MAGI2: variants seen among roughly 807,000 people sequenced by gnomAD.
The protein encoded by MAGI2 is membrane associated guanylate kinase, WW and PDZ domain containing 2, also known as membrane-associated guanylate kinase, WW and PDZ domain-containing protein 2.
A neutral mutation model predicts 133.3 loss-of-function variants in MAGI2; 35 were observed. The ratio of observed to expected loss-of-function variants is 0.26; its 90% CI spans 0.20 to 0.35. The LOEUF (loss-of-function observed/expected upper bound fraction) is 0.35, where lower values mean the gene tolerates loss of function less well. MAGI2 is among the 10% of genes least tolerant of loss of function. The pLI is 1.00. For synonymous variants in MAGI2, 729 were observed against 710.6 expected, an observed-to-expected ratio of 1.03 and a Z score of -0.41; for missense variants, 1,636 against 1,863.4, an observed-to-expected ratio of 0.88 and a Z score of 2.25.
intron 20 of MAGI2, among the ~76,000 whole-genome samples, chr7:78,103,809 T>C (rs1409552275): frequency 6.6e-6 from 1 of 152,252 alleles, no homozygotes; most frequent in Non-Finnish European, 1.5e-5. Flanking sequence ...ATTGAAATAT[T>C]TCCCTTTCAT....
chr7:78,712,366 T>A (rs1819280947), intron 2 of MAGI2, among the ~76,000 whole-genome samples: 1 of 152,204 alleles, frequency 6.6e-6, no homozygotes, highest in African/African-American at 2.4e-5. Flanking sequence ...AAATTTAGAC[T>A]TGTCTTATAC....
At chr7:78,078,024 C>T (rs1166663644) in intron 21 of MAGI2, 1 of 151,316 alleles carries the variant, frequency 6.6e-6, no homozygotes, top group African/African-American at 2.4e-5. Context: ...CCACTGCGCC[C>T]ACCCTAGAAA....
chr7:79,302,905 A>T (rs1381192989), intron 1 of MAGI2, among the ~76,000 whole-genome samples: 4 of 152,220 alleles, frequency 2.6e-5, no homozygotes, highest in African/African-American at 9.6e-5. Flanking sequence ...TTGCTATAGC[A>T]CACACTTGAT....
chr7:79,156,547 A>G (rs1020177578), intron 1 of MAGI2, among the ~76,000 whole-genome samples: 2 of 152,154 alleles, frequency 1.3e-5, no homozygotes, highest in Non-Finnish European at 2.9e-5. Context: ...AGGTCTTTAG[A>G]CAAACTCAAC....
At chr7:78,234,980 T>TTTAAGTTTTAAATTTAAA (rs1297694979) in intron 10 of MAGI2, among the ~76,000 whole-genome samples, 1 of 152,176 alleles carries the variant, frequency 6.6e-6, no homozygotes, top group Admixed American at 6.5e-5. Context: ...TTTTTTTTAA[T>TTTAAGTTTTAAATTTAAA]TTAAGTTTTA....
chr7:79,330,156 A>G (rs1028016132), intron 1 of MAGI2, among the ~76,000 whole-genome samples: 21 of 146,746 alleles, frequency 1.4e-4, no homozygotes, highest in Non-Finnish European at 2.5e-4. Flanking sequence ...TCACTATAGC[A>G]CATCAGTAAC....
chr7:79,146,796 T>C (rs1169150877), intron 1 of MAGI2, among the ~76,000 whole-genome samples: 1 of 152,206 alleles, frequency 6.6e-6, no homozygotes, highest in East Asian at 1.9e-4. Context: ...AGGTGTGCCT[T>C]TATTGGCAGT....
chr7:79,354,857 A>G (rs1841919103), intron 1 of MAGI2, among the ~76,000 whole-genome samples: 1 of 152,084 alleles, frequency 6.6e-6, no homozygotes, highest in Non-Finnish European at 1.5e-5. Context: ...GCTCCAGGAT[A>G]CTCCAACTCC....
At chr7:79,384,955 A>G (rs1844072156) in intron 1 of MAGI2, among the ~76,000 whole-genome samples, 1 of 151,714 alleles carries the variant, frequency 6.6e-6, no homozygotes, top group Admixed American at 6.6e-5. Context: ...CTCTGTCACT[A>G]TGTACCTTCT....
intron 2 of MAGI2, among the ~76,000 whole-genome samples, chr7:78,961,285 C>T (rs1802815640): frequency 6.6e-6 from 1 of 152,034 alleles, no homozygotes; most frequent in South Asian, 2.1e-4. Flanking sequence ...ATTGGGCTTC[C>T]CCATCCCTGC....
chr7:79,323,946 G>A (rs553047191), intron 1 of MAGI2, among the ~76,000 whole-genome samples: 23 of 152,146 alleles, frequency 1.5e-4, no homozygotes, highest in Non-Finnish European at 2.1e-4. Flanking sequence ...CACAAGAATG[G>A]GGCATCTAGC....
chr7:78,885,314 T>C (rs1024289332), intron 2 of MAGI2, among the ~76,000 whole-genome samples: 1 of 152,146 alleles, frequency 6.6e-6, no homozygotes. Flanking sequence ...AAATAAAAGT[T>C]GAAATTACTA....
At chr7:78,572,857 TC>T (rs1168093828) in intron 3 of MAGI2, among the ~76,000 whole-genome samples, 3 of 150,322 alleles carry the variant, frequency 2.0e-5, no homozygotes, top group African/African-American at 7.4e-5. Flanking sequence ...ATACAAGGTT[TC>T]CCCATGTTGG....
chr7:78,747,767 A>G (rs183657290), intron 2 of MAGI2, among the ~76,000 whole-genome samples: 3 of 152,152 alleles, frequency 2.0e-5, no homozygotes, highest in East Asian at 1.9e-4. Flanking sequence ...ACTGAAGAAA[A>G]CAAGCATGAA....
chr7:78,749,166 T>C (rs1823216656), intron 2 of MAGI2, among the ~76,000 whole-genome samples: 1 of 152,160 alleles, frequency 6.6e-6, no homozygotes, highest in African/African-American at 2.4e-5. Context: ...TTCACCCAAG[T>C]TCAGAGGAGT....
intron 2 of MAGI2, among the ~76,000 whole-genome samples, chr7:78,685,576 TAAAC>T (rs1816197741): frequency 1.6e-5 from 2 of 127,316 alleles, no homozygotes; most frequent in South Asian, 5.1e-4. Flanking sequence ...TTTTTTTGCT[TAAAC>T]AACCAACAAA....
At chr7:79,327,712 C>T (rs912997111) in intron 1 of MAGI2, among the ~76,000 whole-genome samples, 1 of 152,020 alleles carries the variant, frequency 6.6e-6, no homozygotes, top group Admixed American at 6.6e-5. Flanking sequence ...CACTCACACA[C>T]ACCTTTTTGT....
chr7:79,094,636 G>A (rs1443960993), intron 1 of MAGI2, among the ~76,000 whole-genome samples: 1 of 152,198 alleles, frequency 6.6e-6, no homozygotes, highest in Non-Finnish European at 1.5e-5. Flanking sequence ...AGATGTGGAA[G>A]TTAATATTAC....
At chr7:78,069,024 G>A (rs975722958) in intron 21 of MAGI2, among the ~76,000 whole-genome samples, 1 of 152,198 alleles carries the variant, frequency 6.6e-6, no homozygotes, top group Non-Finnish European at 1.5e-5. Flanking sequence ...GTGAACTACA[G>A]GGCCAGACTC....
Sources: gnomAD v4.1 joint callset for allele counts (sites outside exome capture counted in the v4.1 genomes callset) on GRCh38, gnomAD v4.1.1 for gene constraint, MANE v1.5 for transcripts, NCBI Gene and HGNC (gene_info 2026-07-23, HGNC 2026-07-21) for gene names.